Variants in PLEKHA6 observed in about 807,000 individuals in gnomAD.
PLEKHA6 encodes pleckstrin homology domain-containing family A member 6.
A neutral mutation model predicts 116.7 loss-of-function variants in PLEKHA6; 60 were observed. The ratio of observed to expected loss-of-function variants is 0.51; its 90% CI spans 0.42 to 0.64. PLEKHA6 has a LOEUF of 0.64. Among genes scored for constraint, PLEKHA6 ranks in the 30% least tolerant of loss-of-function variants. PLEKHA6 has a pLI of 0.00. For missense variants in PLEKHA6, 1,338 were observed against 1,422.7 expected (o/e 0.94, Z 0.96); for synonymous variants, 489 against 556.1 (o/e 0.88, Z 1.70).
rs1357362565 is a variant in PLEKHA6, at chr1:204,257,508, GCA to G, written c.1367_1368del (p.Val456AlafsTer26). 1 of 1,587,480 alleles carries G rather than the reference GCA, an allele frequency of 6.3e-7. No homozygotes were observed. The highest frequency in any genetic ancestry group is 1.8e-5 in the Admixed American group (1 of 56,546). ...RLSLQPRSHS[V>X]PRSPSQGSYS... ...TAGGAGCCCTGGCTGGGTGAGCGGGGCACAGAGTGGGAGCGGGGCTGCAGGGA... is the reference window on the plus strand; with the variant it reads ...TAGGAGCCCTGGCTGGGTGAGCGGGGCAGAGTGGGAGCGGGGCTGCAGGGA... On this transcript the variant is annotated frameshift_variant, in exon 9 of 23. Transcript: ENST00000272203. LOFTEE classifies it high-confidence loss of function. This position sits in a 1 kb window ranked among gnomAD's most constrained non-coding sequence, Gnocchi z 6.5.
Position 204,264,963 on chromosome 1 carries a change from G to C in PLEKHA6, c.360C>G (p.Ile120Met), listed in dbSNP as rs373535195. The part of the protein sequence containing the change: ...RVAAVQPSDN[I>M]SRKHTFKAEH... ...TGACCTTAAACGTGTGTTTCCGGCT[G>C]ATGTTGTCTGAGGGCTGCACTGCGG... is the stretch of plus-strand genomic sequence containing the variant. The change falls in exon 6 of 23, where the codon ATC becomes ATG. Residue 120 changes from isoleucine (I) to methionine (M), a missense_variant. Coordinates refer to ENST00000272203, the MANE Select transcript of PLEKHA6 (RefSeq NM_014935.5). 1 of 1,613,784 alleles carries C rather than the reference G, an allele frequency of 6.2e-7. No homozygotes were observed. The highest frequency in any genetic ancestry group is 8.5e-7 in the Non-Finnish European group (1 of 1,179,646).
At chr1:204,262,113 G>C (rs12139013) in intron 6 of PLEKHA6, 2 of 152,508 alleles carry the variant, frequency 1.3e-5, no homozygotes, top group African/African-American at 4.8e-5. Flanking sequence ...GGCAGGAAAC[G>C]GTGAGGAGCA....
At chr1:204,251,483 A>C in intron 9 of PLEKHA6, 1 of 698,624 alleles carries the variant, frequency 1.4e-6, no homozygotes, top group Non-Finnish European at 2.6e-6. Flanking sequence ...ATGCACAAGC[A>C]GCTGAAATGG....
intron 1 of PLEKHA6, chr1:204,281,236 AC>A (rs1668563775): frequency 6.6e-6 from 1 of 151,872 alleles, no homozygotes; most frequent in Non-Finnish European, 1.5e-5. Flanking sequence ...AAACAAACAA[AC>A]AAAAAAGGCC....
chr1:204,230,471 C>A lies in PLEKHA6; in HGVS notation c.2525G>T (p.Ser842Ile). The change falls in exon 18 of 23, where the codon AGC (serine) becomes ATC (isoleucine). Residue 842 changes from serine to isoleucine, a missense_variant. By Grantham distance (142) the Ser-to-Ile change is moderately radical (BLOSUM62 -2). This residue lies in a region of PLEKHA6 where 1,136 missense variants were observed against 1,163.6 expected (regional missense o/e 0.98). Transcript: ENST00000272203. ...GGCCGGGCTGGCCGGGAGCTGCAGG[C>A]TCCTCCGCTTCTCCCTCATGGAGCC... Reference protein sequence around the residue: ...QSGSMREKRRSLQLPASPAPD... With the variant: ...QSGSMREKRRILQLPASPAPD... 6.3e-7 allele frequency: 1 copy of A among 1,581,786 alleles called. No individual in the cohort carries two copies. The highest frequency in any genetic ancestry group is 1.2e-5 in the South Asian group (1 of 86,556).
At chr1:204,375,794 G>C (rs571605393) in intron 1 of PLEKHA6, among the ~76,000 whole-genome samples, 1 of 151,508 alleles carries the variant, frequency 6.6e-6, no homozygotes, top group East Asian at 1.9e-4. Flanking sequence ...TTTTCTCCTG[G>C]TCCTCTACAG....
intron 10 of PLEKHA6, 60 bp downstream of exon 10, chr1:204,250,486 C>T (rs1447944437): frequency 1.3e-5 from 15 of 1,161,104 alleles, no homozygotes; most frequent in Admixed American, 1.7e-5. Flanking sequence ...GACAGCCCCC[C>T]GCAGAGGACA....
chr1:204,316,806 C>A (rs4433462), intron 1 of PLEKHA6, among the ~76,000 whole-genome samples: 1 of 152,064 alleles, frequency 6.6e-6, no homozygotes, highest in South Asian at 2.1e-4. Flanking sequence ...ATTCCTCTTT[C>A]CTTTGGCATC....
intron 14 of PLEKHA6, among the ~76,000 whole-genome samples, 192 bp downstream of exon 14, chr1:204,245,423 T>C (rs1255366915): frequency 6.6e-6 from 1 of 152,068 alleles, no homozygotes; most frequent in East Asian, 1.9e-4. Context: ...GTTGTTTATT[T>C]GGTCTATTCT....
chr1:204,230,925 C>A (rs1661098012), intron 17 of PLEKHA6, among the ~76,000 whole-genome samples: 1 of 152,172 alleles, frequency 6.6e-6, no homozygotes, highest in Non-Finnish European at 1.5e-5. Flanking sequence ...GGATTGCCAG[C>A]AATAACCAGA....
At chr1:204,345,365 G>A (rs1673000943) in intron 1 of PLEKHA6, among the ~76,000 whole-genome samples, 1 of 152,070 alleles carries the variant, frequency 6.6e-6, no homozygotes. Context: ...ACCACACACA[G>A]CCCATCAGAA....
upstream of PLEKHA6, among the ~76,000 whole-genome samples, chr1:204,364,410 G>A (rs761960083): frequency 1.3e-5 from 2 of 152,222 alleles, no homozygotes; most frequent in Non-Finnish European, 2.9e-5. Flanking sequence ...ACATGAGGCC[G>A]CCTTCCCGCT....
chr1:204,309,569 C>T (rs1431286352), intron 1 of PLEKHA6: 2 of 172,720 alleles, frequency 1.2e-5, no homozygotes, highest in African/African-American at 4.8e-5. Flanking sequence ...GTGTAGTAGG[C>T]TATACCACCT....
intron 3 of PLEKHA6, among the ~76,000 whole-genome samples, chr1:204,367,374 C>T (rs905869490): frequency 6.6e-6 from 1 of 152,242 alleles, no homozygotes; most frequent in Non-Finnish European, 1.5e-5. Flanking sequence ...CTTGCCACCA[C>T]CAGTCTGATG....
intron 1 of PLEKHA6, among the ~76,000 whole-genome samples, chr1:204,305,430 T>C (rs1260989123): frequency 6.6e-6 from 1 of 152,120 alleles, no homozygotes; most frequent in Non-Finnish European, 1.5e-5. Flanking sequence ...ATCTATATTG[T>C]AGGAATATTT....
chr1:204,327,074 G>C, intron 1 of PLEKHA6: 1 of 891,916 alleles, frequency 1.1e-6, no homozygotes, highest in Non-Finnish European at 1.3e-6. Flanking sequence ...TCCTCCTCCT[G>C]GGATAGAAAC....
chr1:204,328,007 C>T (rs971058241), intron 1 of PLEKHA6, among the ~76,000 whole-genome samples: 1 of 152,032 alleles, frequency 6.6e-6, no homozygotes, highest in Admixed American at 6.6e-5. Context: ...TTCTGATGAC[C>T]CTGGCTGGGA....
chr1:204,247,316 C>T, intron 13 of PLEKHA6, 49 bp downstream of exon 13: 1 of 1,171,306 alleles, frequency 8.5e-7, no homozygotes, highest in Non-Finnish European at 1.3e-6. Flanking sequence ...GCCAACTCCT[C>T]ATCTTTAGTC....
At chr1:204,347,230 C>G in intron 1 of PLEKHA6, 1 of 1,113,476 alleles carries the variant, frequency 9.0e-7, no homozygotes, top group Non-Finnish European at 1.3e-6. Context: ...ACATCGGGTG[C>G]CTCTCCTCTT....
Sources: gnomAD v4.1 joint callset for allele counts (sites outside exome capture counted in the v4.1 genomes callset) on GRCh38, gnomAD v4.1.1 for gene constraint, gnomAD v4.1.1 regional missense constraint, Gnocchi (gnomAD v3.1) non-coding constraint, MANE v1.5 for transcripts, NCBI Gene and HGNC (gene_info 2026-07-23, HGNC 2026-07-21) for gene names.